Variants in CDH12 observed in about 807,000 individuals in gnomAD.
CDH12 encodes cadherin 12, also known as cadherin-12.
A neutral mutation model predicts 74.1 loss-of-function variants in CDH12; 41 were observed. That is an observed-to-expected ratio of 0.55 (90% CI 0.43 to 0.72). The LOEUF is 0.72. Ranked by LOEUF, CDH12 falls within the 30% of genes least tolerant of loss-of-function variation. The probability of loss-of-function intolerance (pLI) is 0.00; values close to 1 mark genes in which losing one functional copy is unlikely to be tolerated. For synonymous variants in CDH12, 399 were observed against 355.0 expected (o/e 1.12, Z -1.39); for missense variants, 945 against 977.2 (o/e 0.97, Z 0.44).
chr5:22,753,261 C>T (rs1006936118), intron 1 of CDH12, among the ~76,000 whole-genome samples: 4 of 151,842 alleles, frequency 2.6e-5, no homozygotes, highest in African/African-American at 9.7e-5. Flanking sequence ...TGGTGATGAA[C>T]CCTGTCTCTA....
At chr5:22,443,002 G>T (rs1346563464) in intron 2 of CDH12, among the ~76,000 whole-genome samples, 2 of 152,084 alleles carry the variant, frequency 1.3e-5, no homozygotes, top group Non-Finnish European at 2.9e-5. Context: ...CACAGGTCTT[G>T]CCTAGGCCAA....
At chr5:22,843,174 A>T (rs1737152816) in intron 1 of CDH12, among the ~76,000 whole-genome samples, 1 of 152,074 alleles carries the variant, frequency 6.6e-6, no homozygotes, top group Non-Finnish European at 1.5e-5. Flanking sequence ...GAAGGAAAAT[A>T]TAGTAATTTT....
rs558965528 is a variant in CDH12, at chr5:22,275,975, G to GT, written c.-332-63333dup. On this transcript the variant is annotated intron_variant, in intron 3 of 14. Coordinates refer to ENST00000382254, the MANE Select transcript of CDH12 (RefSeq NM_004061.5). The stretch of plus-strand genomic sequence containing the variant: ...ATGAAATATGGAGAACTATTAAAGG[G>GT]TTTTTTTTTCAGATCTTTACTATGA... 6.0e-3 allele frequency among the ~76,000 whole-genome samples: 896 copies of GT among 150,534 alleles called. 2 individuals are homozygous for GT. The highest frequency in any genetic ancestry group is 7.5e-3 in the Non-Finnish European group (504 of 67,564).
At chr5:22,074,313 A>C (rs1045013390) in intron 5 of CDH12, among the ~76,000 whole-genome samples, 4 of 152,052 alleles carry the variant, frequency 2.6e-5, no homozygotes, top group African/African-American at 7.2e-5. Flanking sequence ...AAAGTTAATT[A>C]AAGATGGATT....
intron 1 of CDH12, among the ~76,000 whole-genome samples, chr5:22,569,892 G>C (rs1346185472): frequency 1.3e-5 from 2 of 152,024 alleles, no homozygotes; most frequent in Non-Finnish European, 2.9e-5. Context: ...TTGATATTTT[G>C]ACCTCCTCCC....
rs143451976 is a variant in CDH12, at chr5:21,847,130, C to G, written c.647-4802G>C. 2.7e-3 allele frequency among the ~76,000 whole-genome samples: 414 copies of G among 152,168 alleles called. 2 individuals are homozygous for G. The highest frequency in any genetic ancestry group is 9.8e-3 in the African/African-American group (405 of 41,530). ...AGTGTCCACACCTTTCAGAATAAAG[C>G]CCTCACATAATCTTCACCTTCCTGC... is the stretch of plus-strand genomic sequence containing the variant. On this transcript the variant is annotated intron_variant, in intron 7 of 14. Transcript: ENST00000382254.
At chr5:22,466,473 C>T (rs904420029) in intron 2 of CDH12, among the ~76,000 whole-genome samples, 1 of 151,894 alleles carries the variant, frequency 6.6e-6, no homozygotes, top group Admixed American at 6.6e-5. Flanking sequence ...TGTATATGAG[C>T]GAGTGTATGG....
intron 1 of CDH12, among the ~76,000 whole-genome samples, chr5:22,534,580 C>T (rs1188553640): frequency 1.3e-5 from 2 of 152,082 alleles, no homozygotes; most frequent in Non-Finnish European, 2.9e-5. Context: ...TGTCACTCTG[C>T]TGTGAGGATG....
chr5:22,178,884 T>C (rs1344169324), intron 4 of CDH12, among the ~76,000 whole-genome samples: 1 of 152,280 alleles, frequency 6.6e-6, no homozygotes, highest in Non-Finnish European at 1.5e-5. Context: ...ACAAATGCAC[T>C]AAAATGATTT....
intron 1 of CDH12, among the ~76,000 whole-genome samples, chr5:22,608,985 C>G (rs955004418): frequency 6.6e-6 from 1 of 152,110 alleles, no homozygotes; most frequent in East Asian, 1.9e-4. Flanking sequence ...ACAAGGGAAC[C>G]TGGAAGGGCA....
At chr5:22,112,248 C>A (rs1744858988) in intron 4 of CDH12, among the ~76,000 whole-genome samples, 1 of 152,100 alleles carries the variant, frequency 6.6e-6, no homozygotes, top group Admixed American at 6.6e-5. Context: ...GCCTGGGATG[C>A]TTTTTCCCTA....
Position 22,396,331 on chromosome 5 carries a change from T to C in CDH12, c.-333+8926A>G, listed in dbSNP as rs947203544. 3.9e-5 allele frequency among the ~76,000 whole-genome samples: 6 copies of C among 152,072 alleles called. No individual in the cohort carries two copies. The East Asian group carries it at 1.2e-3, about 29-fold the overall frequency. On this transcript the variant is annotated intron_variant, in intron 3 of 14. Coordinates refer to ENST00000382254, the MANE Select transcript of CDH12 (RefSeq NM_004061.5). ...CTGGCTGAATCAAAATTTCTCCAGT[T>C]ACTCCTGTGGAGCAAAGGAGACTTT...
intron 1 of CDH12, among the ~76,000 whole-genome samples, chr5:22,668,395 T>C (rs1740730557): frequency 6.6e-6 from 1 of 152,200 alleles, no homozygotes; most frequent in African/African-American, 2.4e-5. Context: ...TTTTGTTATG[T>C]GGTCATAATG....
rs1225341086 is a variant in CDH12 at position 21,880,501 on chromosome 5, T to TCCTC, written c.527-25715_527-25712dup. On this transcript the variant is annotated intron_variant, in intron 6 of 14. Coordinates refer to ENST00000382254, the MANE Select transcript of CDH12 (RefSeq NM_004061.5). ...TTCCTTCCTTCCTTCCTTCCTTCCT[T>TCCTC]CCTCCCTCCCTCCCTCTTTTCTTTC... 4.2e-3 allele frequency among the ~76,000 whole-genome samples: 106 copies of TCCTC among 25,460 alleles called. 2 individuals carry two copies. The highest frequency in any genetic ancestry group is 8.2e-3 in the African/African-American group (99 of 12,020). The allele number at this position is 25,460 out of a possible 152,430, so 16.7% of individuals were successfully genotyped here.
chr5:22,535,154 T>TTC (rs1561475266), intron 1 of CDH12, among the ~76,000 whole-genome samples: 3 of 131,924 alleles, frequency 2.3e-5, no homozygotes, highest in African/African-American at 8.0e-5. Context: ...TTTTTTTTTT[T>TTC]TTTCTTTTTT....
chr5:22,794,165 G>A (rs899049771), intron 1 of CDH12, among the ~76,000 whole-genome samples: 2 of 152,052 alleles, frequency 1.3e-5, no homozygotes, highest in Admixed American at 6.5e-5. Flanking sequence ...ATAACCACAC[G>A]GTTTATGCAT....
At chr5:21,833,448 T>C (rs1265578020) in intron 8 of CDH12, among the ~76,000 whole-genome samples, 1 of 95,922 alleles carries the variant, frequency 1.0e-5, no homozygotes, top group Non-Finnish European at 1.9e-5. Context: ...ACATATATTA[T>C]TAATATATGA....
rs1439477765 is a variant in CDH12 at position 21,883,423 on chromosome 5, T to C, written c.527-28633A>G. 6 of 1,583,200 alleles carry C rather than the reference T, an allele frequency of 3.8e-6. No individual in the cohort carries two copies. In the African/African-American group the frequency reaches 6.7e-5, roughly 18 times the overall value. ...CCTTTGGTGATAATCGCTGAAGATG[T>C]TGATGGAGAAGCTCTAAGTACACTC... On this transcript the variant is annotated intron_variant, in intron 6 of 14. Coordinates refer to ENST00000382254, the MANE Select transcript of CDH12 (RefSeq NM_004061.5).
At chr5:21,852,351 T>C (rs1473367644) in intron 7 of CDH12, among the ~76,000 whole-genome samples, 1 of 151,354 alleles carries the variant, frequency 6.6e-6, no homozygotes, top group Non-Finnish European at 1.5e-5. Context: ...AAACATTATA[T>C]AAAATATAAA....
Sources: allele counts gnomAD v4.1 joint callset (sites outside exome capture counted in the v4.1 genomes callset), GRCh38; gene constraint gnomAD v4.1.1; transcripts MANE v1.5; gene names NCBI Gene and HGNC (gene_info 2026-07-23, HGNC 2026-07-21).